TRIM7: variants seen among roughly 807,000 people sequenced by gnomAD.
TRIM7 encodes the protein tripartite motif containing 7, also known as E3 ubiquitin-protein ligase TRIM7.
A neutral mutation model predicts 37.9 loss-of-function variants in TRIM7; 32 were observed. That is an observed-to-expected ratio of 0.84 (90% CI 0.64 to 1.13). The LOEUF is 1.13. TRIM7 is among the 50% of genes most tolerant of loss of function. The pLI, the probability that TRIM7 is intolerant of heterozygous loss-of-function variation, is 0.00. For missense variants in TRIM7, 732 were observed against 714.0 expected, an observed-to-expected ratio of 1.03 and a Z score of -0.29; for synonymous variants, 351 against 321.3, an observed-to-expected ratio of 1.09 and a Z score of -0.99.
chr5:181,195,137 C>G lies in TRIM7; in HGVS notation c.*29G>C. The stretch of plus-strand genomic sequence containing the variant: ...GCGACATCCCCTCCCACCGGCAGCC[C>G]AGAGACAGGAGCTCCCCAGCAGTGC... On this transcript the variant is annotated 3_prime_UTR_variant, in exon 7 of 7. Transcript: ENST00000274773. 6.4e-7 allele frequency: 1 copy of G among 1,561,834 alleles called. No individual in the cohort carries two copies. The highest frequency in any genetic ancestry group is 8.7e-7 in the Non-Finnish European group (1 of 1,150,738).
chr5:181,198,162 C>G (rs1757249309), intron 6 of TRIM7, 21 bp downstream of exon 6: 3 of 1,613,806 alleles, frequency 1.9e-6, no homozygotes, highest in Non-Finnish European at 2.5e-6. Flanking sequence ...TCCATACTCG[C>G]CATCACAGCA....
chr5:181,201,817 G>A (rs1757504387), intron 2 of TRIM7, among the ~76,000 whole-genome samples: 1 of 152,238 alleles, frequency 6.6e-6, no homozygotes, highest in African/African-American at 2.4e-5. Context: ...TGTTAAGCAA[G>A]GCCTGGGGAC....
At position 181,195,197 on chromosome 5, in the gene TRIM7, G is replaced by A; in HGVS notation, c.1505C>T (p.Ser502Phe). 1 of 1,609,970 alleles carries A rather than the reference G, an allele frequency of 6.2e-7. No individual in the cohort carries two copies. The highest frequency in any genetic ancestry group is 8.5e-7 in the Non-Finnish European group (1 of 1,177,566). ...ERVFPLFSVC[S>F]TGTYLRIWP is the part of the protein sequence containing the mutation. ...CCAGATTCGCAAGTAGGTGCCCGTG[G>A]AGCAAACAGAGAAAAGCGGGAACAC... The change falls in exon 7 of 7, where the codon TCC becomes TTC. Residue 502 changes from serine (S) to phenylalanine (F), a missense_variant. Coordinates refer to ENST00000274773, the MANE Select transcript of TRIM7 (RefSeq NM_203293.3).
At chr5:181,200,983 G>T in intron 2 of TRIM7, 2 of 915,636 alleles carry the variant, frequency 2.2e-6, no homozygotes, top group Non-Finnish European at 2.6e-6. Flanking sequence ...CGGCAGCCCA[G>T]TGGGGAGGGT....
Position 181,198,801 on chromosome 5 carries a change from T to C in TRIM7, c.877A>G (p.Ser293Gly), listed in dbSNP as rs761587423. Reference sequence around the variant, plus strand: ...GTTGGCTTGGGGCCAGGCACATTGCTACACCTGCAGGACAAGGGCTCTGAG... The same window carrying C: ...GTTGGCTTGGGGCCAGGCACATTGCCACACCTGCAGGACAAGGGCTCTGAG... ...QEFKSTLSRCSNVPGPKPTTV... is the reference protein window; with the variant it reads ...QEFKSTLSRCGNVPGPKPTTV... Residue 293 changes from serine to glycine, a missense_variant, in exon 5 of 7, where the codon AGC becomes GGC. Ser to Gly is a moderately conservative substitution (Grantham distance 56). Coordinates refer to ENST00000274773, the MANE Select transcript of TRIM7 (RefSeq NM_203293.3). The C allele has an allele frequency of 1.2e-6, 2 of 1,611,316 alleles. No individual in the cohort carries two copies. The highest frequency in any genetic ancestry group is 2.2e-5 in the South Asian group (2 of 90,910).
In TRIM7 at chr5:181,204,481, A is replaced by G. The variant is rs57953441; in HGVS notation, c.522+108T>C. 5,613 of 1,214,800 alleles carry G rather than the reference A, an allele frequency of 4.6e-3. 219 individuals are homozygous for G. The African/African-American group carries it at 0.081, about 18-fold the overall frequency. The allele number at this position is 1,214,800 out of a possible 1,614,324, so 75.3% of individuals were successfully genotyped here. On this transcript the variant is annotated intron_variant, in intron 1 of 6. Transcript: ENST00000274773. ...GAATGGAGAAAGAAGGGAGGGGCTC[A>G]CCCGGGCCTCCTGATCGACAGGCTG... is the stretch of plus-strand genomic sequence containing the variant.
chr5:181,198,344 G>A lies in TRIM7; in HGVS notation c.989-126C>T, dbSNP rs1047357946. On this transcript the variant is annotated intron_variant, in intron 5 of 6. Transcript: ENST00000274773. The stretch of plus-strand genomic sequence containing the variant: ...GAGACTCCTAAGGCCAAGAGTGAAC[G>A]TGCAGGCACAGGGCCAAGCATGGGG... The A allele has an allele frequency of 3.2e-5, 33 of 1,027,838 alleles. No individual in the cohort carries two copies. The Admixed American group carries it at 4.9e-4, about 15-fold the overall frequency. The allele number at this position is 1,027,838 out of a possible 1,614,324, so 63.7% of individuals were successfully genotyped here.
intron 4 of TRIM7, 36 bp from the exon 5 acceptor site, chr5:181,198,841 A>C (rs1186794732): frequency 6.6e-7 from 1 of 1,515,592 alleles, no homozygotes; most frequent in East Asian, 2.3e-5. Flanking sequence ...GCCTGTGTGC[A>C]CCATTTTGCT....
At chr5:181,200,379 T>C in intron 2 of TRIM7, 1 of 1,382,406 alleles carries the variant, frequency 7.2e-7, no homozygotes, top group Non-Finnish European at 9.3e-7. Flanking sequence ...TACGCCAAGC[T>C]GCAGCTTCCT....
At position 181,199,646 on chromosome 5, in the gene TRIM7, A is replaced by G. The variant is rs368054107; in HGVS notation, c.849+205T>C. 32 of 729,498 alleles carry G rather than the reference A, an allele frequency of 4.4e-5. No individual in the cohort carries two copies. In the East Asian group the frequency reaches 4.8e-4, roughly 11 times the overall value. 45.2% of individuals were successfully genotyped at this position (729,498 alleles called of 1,614,324 possible). A position where few individuals can be genotyped will look rare whatever the true frequency, so the allele number is the denominator to read the frequency against. On this transcript the variant is annotated intron_variant, in intron 3 of 6. Transcript: ENST00000274773. ...CAAGCTTGTGATTCTGAAATACGAT[A>G]TATATTATTGTGGCTCATAGTCAAG... is the stretch of plus-strand genomic sequence containing the variant.
At chr5:181,204,012 CTGCACACACCCT>C in intron 1 of TRIM7, 1 of 1,029,362 alleles carries the variant, frequency 9.7e-7, no homozygotes, top group Non-Finnish European at 1.2e-6. Flanking sequence ...GCCCTCACCC[CTGCACACACCCT>C]CGCTGAGGCT....
chr5:181,202,513 C>G (rs1191634636), intron 2 of TRIM7: 2 of 151,156 alleles, frequency 1.3e-5, no homozygotes, highest in Non-Finnish European at 2.9e-5. Flanking sequence ...ATTTACTGAG[C>G]TAGGAACTGA....
At position 181,195,628 on chromosome 5, in the gene TRIM7, A is replaced by G. The variant is rs753785750; in HGVS notation, c.1074T>C (p.Ser358=). The change falls in exon 7 of 7, where the codon TCT becomes TCC. Residue 358 remains serine (S), a synonymous_variant. Coordinates refer to ENST00000274773, the MANE Select transcript of TRIM7 (RefSeq NM_203293.3). ...PDTANPRLIL[S]LDLKGVRLGE... is the part of the protein sequence containing the mutation. Reference sequence around the variant, plus strand: ...CGAGGCGCACGCCCTTAAGATCCAGAGAGAGGATGAGGCGCGGGTTGGCCG... The same window carrying G: ...CGAGGCGCACGCCCTTAAGATCCAGGGAGAGGATGAGGCGCGGGTTGGCCG... 1.9e-6 allele frequency: 3 copies of G among 1,553,390 alleles called. No individual in the cohort carries two copies. The highest frequency in any genetic ancestry group is 2.6e-6 in the Non-Finnish European group (3 of 1,146,010).
At chr5:181,198,304 C>T in intron 5 of TRIM7, 86 bp from the exon 6 acceptor site, 2 of 1,375,874 alleles carry the variant, frequency 1.5e-6, no homozygotes, top group Non-Finnish European at 2.1e-6. Context: ...TCCCAACTGA[C>T]TCATTCATTC....
At chr5:181,200,621 C>T (rs1317664275) in intron 2 of TRIM7, 2 of 1,004,554 alleles carry the variant, frequency 2.0e-6, no homozygotes, top group African/African-American at 3.5e-5. Flanking sequence ...AGTCCGATGC[C>T]AGTGACCAGA....
chr5:181,204,887 G>C lies in TRIM7; in HGVS notation c.224C>G (p.Pro75Arg). 1 of 1,369,652 alleles carries C rather than the reference G, an allele frequency of 7.3e-7. No homozygotes were observed. Among genetic ancestry groups the C allele is most frequent in the Non-Finnish European group, 9.3e-7 (1 of 1,071,522 alleles). The allele number at this position is 1,369,652 out of a possible 1,614,324, so 84.8% of individuals were successfully genotyped here. The change falls in exon 1 of 7, where the codon CCA (proline) becomes CGA (arginine). Residue 75 changes from proline to arginine, a missense_variant. Pro to Arg is a moderately radical substitution (Grantham distance 103). Transcript: ENST00000274773. Reference sequence around the variant, plus strand: ...CTCGCGGCACTGCGGACAGGGCAGTGGGAAGGGGGGCGCGCGGGTGGCGGC... The same window carrying C: ...CTCGCGGCACTGCGGACAGGGCAGTCGGAAGGGGGGCGCGCGGGTGGCGGC... ...VGAATRAPPF[P>R]LPCPQCREPA...
At chr5:181,203,296 T>G in intron 2 of TRIM7, 1 of 1,316,052 alleles carries the variant, frequency 7.6e-7, no homozygotes, top group Non-Finnish European at 9.7e-7. Context: ...GCGTCCTGAT[T>G]CGCTGGGACA....
Position 181,195,119 on chromosome 5 carries a change from C to A in TRIM7, c.*47G>T, listed in dbSNP as rs774494415. On this transcript the variant is annotated 3_prime_UTR_variant, in exon 7 of 7. Coordinates refer to ENST00000274773, the MANE Select transcript of TRIM7 (RefSeq NM_203293.3). ...CCAGGCATCTCTGGGGAGGCGACAT[C>A]CCCTCCCACCGGCAGCCCAGAGACA... is the stretch of plus-strand genomic sequence containing the variant. The A allele has an allele frequency of 6.1e-5, 95 of 1,549,202 alleles. No individual in the cohort carries two copies. Among genetic ancestry groups the A allele is most frequent in the Non-Finnish European group, 7.9e-5 (90 of 1,145,088 alleles).
chr5:181,195,625 CAGAG>C lies in TRIM7; in HGVS notation c.1073_1076del (p.Ser358TrpfsTer65), dbSNP rs745621160. 3 of 1,557,150 alleles carry C rather than the reference CAGAG, an allele frequency of 1.9e-6. No homozygotes were observed. The South Asian group carries it at 3.6e-5, about 19-fold the overall frequency. ...CGCCGAGGCGCACGCCCTTAAGATC[CAGAG>C]AGAGGATGAGGCGCGGGTTGGCCGT... On this transcript the variant is annotated frameshift_variant, in exon 7 of 7. Coordinates refer to ENST00000274773, the MANE Select transcript of TRIM7 (RefSeq NM_203293.3). LOFTEE classifies it low-confidence loss of function (END_TRUNC).
Sources: gnomAD v4.1 joint callset for allele counts (sites outside exome capture counted in the v4.1 genomes callset) on GRCh38, gnomAD v4.1.1 for gene constraint, MANE v1.5 for transcripts, NCBI Gene and HGNC (gene_info 2026-07-23, HGNC 2026-07-21) for gene names.